SH3BGRL2: variants seen among roughly 807,000 people sequenced by gnomAD.
The protein encoded by SH3BGRL2 is SH3 domain binding glutamate rich protein like 2, also known as SH3 domain-binding glutamic acid-rich-like protein 2.
SH3BGRL2 carries 21 observed loss-of-function variants against 14.8 expected under a neutral mutation model. The ratio of observed to expected loss-of-function variants is 1.42; its 90% CI spans 1.01 to 2.05. The LOEUF is 2.05. SH3BGRL2 is among the 30% of genes most tolerant of loss of function. The pLI is 0.00. For missense variants in SH3BGRL2, 147 were observed against 130.8 expected, an observed-to-expected ratio of 1.12 and a Z score of -0.61; for synonymous variants, 50 against 47.8, an observed-to-expected ratio of 1.05 and a Z score of -0.19.
chr6:79,687,224 G>C (rs2235877), intron 2 of SH3BGRL2, among the ~76,000 whole-genome samples: 16,996 of 152,140 alleles, frequency 0.11, 1,439 homozygotes, highest in East Asian at 0.42. Flanking sequence ...GGGAAGGACT[G>C]TTCTTCTATT....
intron 1 of SH3BGRL2, among the ~76,000 whole-genome samples, chr6:79,669,511 A>G (rs1026520842): frequency 1.3e-5 from 2 of 148,678 alleles, no homozygotes; most frequent in Non-Finnish European, 1.5e-5. Flanking sequence ...CCGGAGTGCA[A>G]TGGCCTGATC....
chr6:79,568,671 T>A, the SH3BGRL2 span, among the ~76,000 whole-genome samples: 6 of 152,124 alleles, frequency 3.9e-5, no homozygotes, highest in African/African-American at 1.2e-4. Flanking sequence ...GCTAGGTGGG[T>A]ACACAGGAGA....
chr6:79,546,514 T>A, the SH3BGRL2 span, among the ~76,000 whole-genome samples: 1 of 151,898 alleles, frequency 6.6e-6, no homozygotes, highest in African/African-American at 2.4e-5. Flanking sequence ...GTAAGAGAGG[T>A]CTGTGTATGG....
the SH3BGRL2 span, among the ~76,000 whole-genome samples, chr6:79,613,365 C>G: frequency 6.6e-6 from 1 of 152,260 alleles, no homozygotes; most frequent in South Asian, 2.1e-4. Flanking sequence ...GAAGAAAGAG[C>G]TACATTTATT....
At chr6:79,582,138 A>G in the SH3BGRL2 span, among the ~76,000 whole-genome samples, 1 of 152,202 alleles carries the variant, frequency 6.6e-6, no homozygotes, top group African/African-American at 2.4e-5. Context: ...ATAAAAGAGG[A>G]CATAAACAAA....
chr6:79,698,754 G>T (rs1027251264), intron 3 of SH3BGRL2, among the ~76,000 whole-genome samples: 18 of 152,086 alleles, frequency 1.2e-4, no homozygotes, highest in Non-Finnish European at 2.2e-4. Context: ...TGGGGGTGGT[G>T]GGGGGATCTC....
upstream of SH3BGRL2, among the ~76,000 whole-genome samples, chr6:79,629,110 C>T (rs560723783): frequency 1.6e-4 from 25 of 152,228 alleles, no homozygotes; most frequent in Admixed American, 1.6e-3. Flanking sequence ...CAGGTAGCCA[C>T]GTGCATTTGA....
chr6:79,540,421 C>A, the SH3BGRL2 span, among the ~76,000 whole-genome samples: 2 of 151,578 alleles, frequency 1.3e-5, no homozygotes, highest in Non-Finnish European at 2.9e-5. Context: ...GGCAACAGAG[C>A]AAGATTCCGT....
chr6:79,565,762 A>AT, the SH3BGRL2 span, among the ~76,000 whole-genome samples: 5 of 152,300 alleles, frequency 3.3e-5, no homozygotes, highest in East Asian at 7.7e-4. Flanking sequence ...ATTGAGGGAG[A>AT]TTCACTGGTA....
At chr6:79,668,504 G>A (rs1286651261) in intron 1 of SH3BGRL2, among the ~76,000 whole-genome samples, 1 of 152,018 alleles carries the variant, frequency 6.6e-6, no homozygotes, top group African/African-American at 2.4e-5. Context: ...TCACAGATCT[G>A]GAGTCAAAGG....
the SH3BGRL2 span, among the ~76,000 whole-genome samples, chr6:79,573,487 A>AT: frequency 6.6e-6 from 1 of 151,984 alleles, no homozygotes; most frequent in African/African-American, 2.4e-5. Context: ...ATGTTCTCTC[A>AT]TTTCTTTGGA....
the SH3BGRL2 span, among the ~76,000 whole-genome samples, chr6:79,606,754 A>T: frequency 6.6e-6 from 1 of 152,156 alleles, no homozygotes; most frequent in Admixed American, 6.6e-5. Flanking sequence ...TAAGATCTGG[A>T]TGGAAAGTCC....
chr6:79,575,918 T>C, the SH3BGRL2 span, among the ~76,000 whole-genome samples: 1 of 152,122 alleles, frequency 6.6e-6, no homozygotes, highest in Admixed American at 6.5e-5. Flanking sequence ...TTTGCTTTGT[T>C]TATTTTTAAT....
chr6:79,675,286 G>C (rs1355207569), intron 2 of SH3BGRL2, among the ~76,000 whole-genome samples: 1 of 152,166 alleles, frequency 6.6e-6, no homozygotes, highest in African/African-American at 2.4e-5. Context: ...GGATTTTGAT[G>C]ATATTGATTC....
chr6:79,640,469 G>T (rs911542125), intron 1 of SH3BGRL2, among the ~76,000 whole-genome samples: 4 of 152,302 alleles, frequency 2.6e-5, no homozygotes, highest in Admixed American at 2.0e-4. Flanking sequence ...GGCAGATGGG[G>T]CCCCACCTCC....
the SH3BGRL2 span, among the ~76,000 whole-genome samples, chr6:79,603,933 C>A: frequency 6.6e-6 from 1 of 152,036 alleles, no homozygotes; most frequent in Non-Finnish European, 1.5e-5. Context: ...CCCTCCCAAG[C>A]AGCTGGGATT....
chr6:79,588,695 G>T, the SH3BGRL2 span, among the ~76,000 whole-genome samples: 1 of 152,156 alleles, frequency 6.6e-6, no homozygotes. Context: ...AAGAACAAAT[G>T]CTTTGCTTCC....
chr6:79,561,735 C>T, the SH3BGRL2 span: 1 of 152,228 alleles, frequency 6.6e-6, no homozygotes, highest in Non-Finnish European at 1.5e-5. Flanking sequence ...CAGGATAGAA[C>T]TGGGCAGTCA....
chr6:79,669,163 C>T (rs1769720622), intron 1 of SH3BGRL2, among the ~76,000 whole-genome samples: 1 of 152,036 alleles, frequency 6.6e-6, no homozygotes, highest in African/African-American at 2.4e-5. Context: ...CTTCTGCTTC[C>T]AGAATTGACA....
Sources: gnomAD v4.1 joint callset for allele counts (sites outside exome capture counted in the v4.1 genomes callset) on GRCh38, gnomAD v4.1.1 for gene constraint, MANE v1.5 for transcripts, NCBI Gene and HGNC (gene_info 2026-07-23, HGNC 2026-07-21) for gene names.